The following LRRC4C variants were observed in gnomAD, a reference collection of about 807,000 sequenced individuals.
LRRC4C encodes leucine rich repeat containing 4C.
Under a neutral mutation model 33.6 loss-of-function variants are expected in LRRC4C, and 5 were observed. The ratio of observed to expected loss-of-function variants is 0.15; its 90% confidence interval spans 0.08 to 0.31. The LOEUF (loss-of-function observed/expected upper bound fraction) is 0.31, where lower values mean the gene tolerates loss of function less well. Among genes scored for constraint, LRRC4C ranks in the 10% least tolerant of loss-of-function variants. The pLI, the probability that LRRC4C is intolerant of heterozygous loss-of-function variation, is 1.00. For synonymous variants in LRRC4C, 329 were observed against 302.0 expected (o/e 1.09, Z -0.93); for missense variants, 560 against 796.7 (o/e 0.70, Z 3.58).
At chr11:40,220,315 T>C (rs1238058430) in intron 5 of LRRC4C, among the ~76,000 whole-genome samples, 3 of 152,182 alleles carry the variant, frequency 2.0e-5, no homozygotes, top group Non-Finnish European at 4.4e-5. Flanking sequence ...AGTTTTAGAG[T>C]TGAGCACTTC....
intron 3 of LRRC4C, among the ~76,000 whole-genome samples, chr11:40,637,762 C>T (rs531326831): frequency 1.3e-5 from 2 of 152,174 alleles, no homozygotes; most frequent in South Asian, 4.1e-4. Flanking sequence ...TCATCTTCCA[C>T]ATGGATTAGA....
intron 5 of LRRC4C, among the ~76,000 whole-genome samples, chr11:40,206,977 C>A (rs1863206105): frequency 6.6e-6 from 1 of 152,020 alleles, no homozygotes; most frequent in South Asian, 2.1e-4. Context: ...AACAAACAAA[C>A]AAACACAACC....
At chr11:41,024,792 T>C (rs968347228) in intron 1 of LRRC4C, among the ~76,000 whole-genome samples, 8 of 151,758 alleles carry the variant, frequency 5.3e-5, no homozygotes, top group African/African-American at 1.9e-4. Flanking sequence ...ATATTGAATT[T>C]TTTACATATG....
At chr11:40,400,103 C>T (rs371853180) in intron 3 of LRRC4C, among the ~76,000 whole-genome samples, 15 of 152,176 alleles carry the variant, frequency 9.9e-5, no homozygotes, top group African/African-American at 3.6e-4. Context: ...TTGACTTCCT[C>T]AATAGGTTGA....
At chr11:41,449,087 A>G (rs963679128) in intron 1 of LRRC4C, among the ~76,000 whole-genome samples, 1 of 152,180 alleles carries the variant, frequency 6.6e-6, no homozygotes, top group Non-Finnish European at 1.5e-5. Context: ...GAAGCTGTGG[A>G]GTAGGGTAGC....
chr11:41,350,940 A>C (rs1182658299), intron 1 of LRRC4C, among the ~76,000 whole-genome samples: 3 of 152,130 alleles, frequency 2.0e-5, no homozygotes, highest in Admixed American at 6.5e-5. Flanking sequence ...GTCACACAAA[A>C]ATATAGAGGC....
intron 3 of LRRC4C, among the ~76,000 whole-genome samples, chr11:40,480,932 G>A (rs1423026459): frequency 6.6e-6 from 1 of 151,926 alleles, no homozygotes; most frequent in Non-Finnish European, 1.5e-5. Context: ...CCTGAGGGTG[G>A]AAAAGTGGGG....
chr11:40,333,348 A>AT (rs1946444462), intron 3 of LRRC4C, among the ~76,000 whole-genome samples: 1 of 152,150 alleles, frequency 6.6e-6, no homozygotes, highest in Non-Finnish European at 1.5e-5. Flanking sequence ...AAAGCCTTGG[A>AT]TTTTTTGTTT....
intron 1 of LRRC4C, among the ~76,000 whole-genome samples, chr11:40,985,965 AT>A (rs1852962814): frequency 2.0e-5 from 3 of 151,896 alleles, no homozygotes; most frequent in Admixed American, 2.0e-4. Flanking sequence ...TACATATATA[AT>A]TTTTATTATA....
chr11:40,986,301 G>A (rs1479844979), intron 1 of LRRC4C, among the ~76,000 whole-genome samples: 1 of 152,094 alleles, frequency 6.6e-6, no homozygotes, highest in Non-Finnish European at 1.5e-5. Flanking sequence ...ATCAAATACA[G>A]AAAGGATTGG....
intron 1 of LRRC4C, among the ~76,000 whole-genome samples, chr11:41,163,894 G>A (rs1407765647): frequency 2.0e-5 from 3 of 152,202 alleles, no homozygotes; most frequent in Non-Finnish European, 2.9e-5. Context: ...TTACAGGCAT[G>A]AGATGCTGCA....
chr11:41,368,682 T>C (rs1215723509), intron 1 of LRRC4C, among the ~76,000 whole-genome samples: 1 of 152,196 alleles, frequency 6.6e-6, no homozygotes, highest in East Asian at 1.9e-4. Flanking sequence ...CCTAAGGGCA[T>C]AGACAGTTCA....
At chr11:41,226,301 C>A (rs1296608805) in intron 1 of LRRC4C, among the ~76,000 whole-genome samples, 1 of 152,078 alleles carries the variant, frequency 6.6e-6, no homozygotes, top group Non-Finnish European at 1.5e-5. Context: ...AGAATTGGGA[C>A]TGAATCCAAT....
rs116326136 is a variant in LRRC4C, at chr11:41,234,463, C to A, written c.-496+224968G>T. On this transcript the variant is annotated intron_variant, in intron 1 of 6. Coordinates refer to ENST00000528697, the MANE Select transcript of LRRC4C (RefSeq NM_001258419.2). ...AATCATTATGTTGTACAATAGATCT[C>A]TTTAACTTATTCCTCCTAACTGAAA... Among the ~76,000 whole-genome samples, 946 of 151,990 alleles carry A rather than the reference C, an allele frequency of 6.2e-3. 12 individuals carry two copies. Among genetic ancestry groups the A allele is most frequent in the African/African-American group, 0.021 (878 of 41,466 alleles).
chr11:41,372,053 C>A (rs928565860), intron 1 of LRRC4C, among the ~76,000 whole-genome samples: 1 of 152,222 alleles, frequency 6.6e-6, no homozygotes, highest in South Asian at 2.1e-4. Flanking sequence ...AGGAGAATGG[C>A]GTGAACCCCG....
chr11:41,013,305 G>A (rs1855346875), intron 1 of LRRC4C, among the ~76,000 whole-genome samples: 1 of 152,094 alleles, frequency 6.6e-6, no homozygotes, highest in Non-Finnish European at 1.5e-5. Context: ...CTTTAAAATG[G>A]CACGTTTTTA....
chr11:40,487,228 T>A (rs1275623913), intron 3 of LRRC4C, among the ~76,000 whole-genome samples: 1 of 152,124 alleles, frequency 6.6e-6, no homozygotes, highest in African/African-American at 2.4e-5. Context: ...AAATAAAATC[T>A]GTTTAAGTCA....
chr11:40,456,154 C>T (rs561672341), intron 3 of LRRC4C, among the ~76,000 whole-genome samples: 2 of 152,210 alleles, frequency 1.3e-5, no homozygotes, highest in South Asian at 4.1e-4. Flanking sequence ...ACCTCTTTAG[C>T]GTATCAGTCC....
chr11:41,023,905 A>G (rs911838849), intron 1 of LRRC4C, among the ~76,000 whole-genome samples: 5 of 151,800 alleles, frequency 3.3e-5, no homozygotes, highest in African/African-American at 1.2e-4. Context: ...TCCCCAAACC[A>G]GATCTGCTGT....
Sources: gnomAD v4.1 joint callset for allele counts (sites outside exome capture counted in the v4.1 genomes callset) on GRCh38, gnomAD v4.1.1 for gene constraint, MANE v1.5 for transcripts, NCBI Gene and HGNC (gene_info 2026-07-23, HGNC 2026-07-21) for gene names.